MIB1: variants seen among roughly 807,000 people sequenced by gnomAD.
MIB1 encodes the protein MIB E3 ubiquitin protein ligase 1, also known as E3 ubiquitin-protein ligase MIB1.
In MIB1, 278 loss-of-function variants were observed where a neutral mutation model predicts 124.5. The ratio of observed to expected loss-of-function variants is 2.23; its 90% CI spans 2.02 to 2.47. The LOEUF is 2.47. Among genes scored for constraint, MIB1 ranks in the 30% most tolerant of loss-of-function variants. The pLI is 0.00. For synonymous variants in MIB1, 446 were observed against 429.4 expected, an observed-to-expected ratio of 1.04 and a Z score of -0.48; for missense variants, 957 against 1,254.4, an observed-to-expected ratio of 0.76 and a Z score of 3.58.
chr18:21,818,417 T>C (rs2041849681), intron 11 of MIB1, among the ~76,000 whole-genome samples: 1 of 152,226 alleles, frequency 6.6e-6, no homozygotes, highest in Non-Finnish European at 1.5e-5. Context: ...CATTTTAAAC[T>C]TATAAAATTT....
intron 10 of MIB1, among the ~76,000 whole-genome samples, chr18:21,805,631 A>G (rs2041695643): frequency 6.6e-6 from 1 of 152,152 alleles, no homozygotes; most frequent in Non-Finnish European, 1.5e-5. Flanking sequence ...CAGAAACTCC[A>G]ATAGCAACAA....
chr18:21,806,910 C>T (rs1024713281), intron 10 of MIB1, among the ~76,000 whole-genome samples: 6 of 152,162 alleles, frequency 3.9e-5, no homozygotes, highest in African/African-American at 7.2e-5. Context: ...CGTGAGCCAC[C>T]GTGCCCAGCC....
intron 6 of MIB1, among the ~76,000 whole-genome samples, chr18:21,789,006 G>T (rs1289449676): frequency 6.6e-6 from 1 of 152,152 alleles, no homozygotes; most frequent in Non-Finnish European, 1.5e-5. Flanking sequence ...CTTAGATCAG[G>T]TTTAATATTG....
intron 12 of MIB1, among the ~76,000 whole-genome samples, chr18:21,832,404 CAG>C (rs2041992363): frequency 6.6e-6 from 1 of 152,064 alleles, no homozygotes; most frequent in Non-Finnish European, 1.5e-5. Context: ...GTATGTGACT[CAG>C]AGGTAAAAAT....
rs2042345915 is a variant in MIB1, at chr18:21,870,229, T to C, written c.*5563T>C. On this transcript the variant is annotated 3_prime_UTR_variant, in exon 21 of 21. Coordinates refer to ENST00000261537, the MANE Select transcript of MIB1 (RefSeq NM_020774.4). Reference sequence around the variant, plus strand: ...TCTTTTATAGTAGTATACATGAATTTTGATTTTTAAAGCATTTAAAAACAA... The same window carrying C: ...TCTTTTATAGTAGTATACATGAATTCTGATTTTTAAAGCATTTAAAAACAA... 1 of 152,530 alleles carries C rather than the reference T, an allele frequency of 6.6e-6. No individual in the cohort carries two copies. The highest frequency in any genetic ancestry group is 1.5e-5 in the Non-Finnish European group (1 of 67,968). 9.4% of individuals were successfully genotyped at this position (152,530 alleles called of 1,614,324 possible).
intron 1 of MIB1, among the ~76,000 whole-genome samples, chr18:21,713,552 G>T (rs2040675046): frequency 1.4e-5 from 2 of 140,774 alleles, no homozygotes; most frequent in Non-Finnish European, 3.0e-5. Context: ...GGCAGAGGTT[G>T]CAGTGAGCTG....
intron 6 of MIB1, among the ~76,000 whole-genome samples, chr18:21,790,738 T>A (rs1019709573): frequency 6.6e-6 from 1 of 152,212 alleles, no homozygotes; most frequent in East Asian, 1.9e-4. Flanking sequence ...ATGGAACTTT[T>A]ACTTTACATG....
chr18:21,724,712 CAAAAAAAAA>C (rs1193584277), intron 1 of MIB1, among the ~76,000 whole-genome samples: 2 of 20,758 alleles, frequency 9.6e-5, no homozygotes, highest in East Asian at 1.8e-3. Flanking sequence ...CTCCCCCATC[CAAAAAAAAA>C]AAAAAAATAT....
intron 1 of MIB1, among the ~76,000 whole-genome samples, chr18:21,746,071 GA>G (rs1481030233): frequency 1.3e-5 from 2 of 152,172 alleles, no homozygotes; most frequent in Admixed American, 1.3e-4. Context: ...ATATTTATCA[GA>G]GGGAGAACTG....
intron 1 of MIB1, among the ~76,000 whole-genome samples, chr18:21,735,621 C>A (rs1344479326): frequency 6.6e-6 from 1 of 152,244 alleles, no homozygotes; most frequent in Non-Finnish European, 1.5e-5. Flanking sequence ...CTAAGATCCA[C>A]TGGCTTGAAA....
chr18:21,816,175 T>A (rs1422350836), intron 11 of MIB1, among the ~76,000 whole-genome samples: 1 of 152,220 alleles, frequency 6.6e-6, no homozygotes, highest in Non-Finnish European at 1.5e-5. Context: ...TTATTTTAAT[T>A]GTAGCTTTTA....
chr18:21,741,852 G>T lies in MIB1; in HGVS notation c.229+40G>T, dbSNP rs532361074. On this transcript the variant is annotated intron_variant, in intron 1 of 20. Transcript: ENST00000261537. The surrounding 1 kb of genome is among the most constrained non-coding windows in gnomAD (Gnocchi z 5.4). ...CCTGGCCAGGGCTTGCGCGCGCGGG[G>T]GGAAGGGGCGAGCTGCGGTGGGCGT... 1.9e-5 allele frequency: 29 copies of T among 1,508,012 alleles called. No individual in the cohort carries two copies. In the East Asian group the frequency reaches 6.0e-4, roughly 31 times the overall value. The allele number at this position is 1,508,012 out of a possible 1,614,324, so 93.4% of individuals were successfully genotyped here.
intron 13 of MIB1, among the ~76,000 whole-genome samples, chr18:21,842,091 CAAAAAAAAA>C (rs376834305): frequency 1.3e-3 from 45 of 35,684 alleles, no homozygotes; most frequent in African/African-American, 7.7e-3. Flanking sequence ...GACCCTATCT[CAAAAAAAAA>C]AAAAAAAAAA....
At chr18:21,752,223 T>G (rs1338472673) in intron 1 of MIB1, among the ~76,000 whole-genome samples, 2 of 152,198 alleles carry the variant, frequency 1.3e-5, no homozygotes, top group African/African-American at 4.8e-5. Context: ...CCAGCTCTGC[T>G]CTTGAGGACA....
chr18:21,735,605 A>G (rs1454447243), intron 1 of MIB1, among the ~76,000 whole-genome samples: 2 of 152,184 alleles, frequency 1.3e-5, no homozygotes, highest in Non-Finnish European at 1.5e-5. Context: ...CACAGAGCCC[A>G]GCAAGCTAAG....
rs377191642 is a variant in MIB1, at chr18:21,815,949, T to TA, written c.1677+137dup. 3 of 786,894 alleles carry TA rather than the reference T, an allele frequency of 3.8e-6. No individual in the cohort carries two copies. The African/African-American group carries it at 5.3e-5, about 14-fold the overall frequency. 48.7% of individuals were successfully genotyped at this position (786,894 alleles called of 1,614,324 possible). Reference sequence around the variant, plus strand: ...AAATGATACCAAAGGCGTAAGATGTTACAAAATTGGCAGCTATTTCTTTTT... The same window carrying TA: ...AAATGATACCAAAGGCGTAAGATGTTAACAAAATTGGCAGCTATTTCTTTTT... On this transcript the variant is annotated intron_variant, in intron 11 of 20. Coordinates refer to ENST00000261537, the MANE Select transcript of MIB1 (RefSeq NM_020774.4).
intron 20 of MIB1, among the ~76,000 whole-genome samples, chr18:21,860,137 C>T (rs117982127): frequency 4.4e-5 from 4 of 90,386 alleles, no homozygotes; most frequent in Middle Eastern, 0.013. Context: ...GAGTCTCACT[C>T]TCACCCAGGC....
Position 21,847,201 on chromosome 18 carries a change from G to A in MIB1, c.2393+76G>A, listed in dbSNP as rs1203303514. 2.4e-6 allele frequency: 3 copies of A among 1,235,924 alleles called. No homozygotes were observed. The African/African-American group carries it at 4.5e-5, about 19-fold the overall frequency. 76.6% of individuals were successfully genotyped at this position (1,235,924 alleles called of 1,614,324 possible). A position where few individuals can be genotyped will look rare whatever the true frequency, so the allele number is the denominator to read the frequency against. On this transcript the variant is annotated intron_variant, in intron 16 of 20. Transcript: ENST00000261537. ...ATGTGGTTTCGTAATGGAGGACGTG[G>A]CTACTTGAAAATGTCTTCATCTTTG... is the stretch of plus-strand genomic sequence containing the variant.
intron 6 of MIB1, among the ~76,000 whole-genome samples, chr18:21,783,352 C>T (rs1361508420): frequency 4.0e-5 from 6 of 151,878 alleles, no homozygotes; most frequent in African/African-American, 1.2e-4. Context: ...AAGCAATTCT[C>T]CTGTCTCAGC....
Sources: gnomAD v4.1 joint callset for allele counts (sites outside exome capture counted in the v4.1 genomes callset) on GRCh38, gnomAD v4.1.1 for gene constraint, Gnocchi (gnomAD v3.1) non-coding constraint, MANE v1.5 for transcripts, NCBI Gene and HGNC (gene_info 2026-07-23, HGNC 2026-07-21) for gene names.